VRK1: variants seen among roughly 807,000 people sequenced by gnomAD.
VRK1 encodes VRK serine/threonine kinase 1, also known as serine/threonine-protein kinase VRK1.
A neutral mutation model predicts 57.1 loss-of-function variants in VRK1; 33 were observed. The ratio of observed to expected loss-of-function variants is 0.58; its 90% CI spans 0.44 to 0.77. VRK1 has a LOEUF of 0.77. VRK1 is among the 30% of genes least tolerant of loss of function. The pLI is 0.00. For synonymous variants in VRK1, 137 were observed against 147.8 expected (o/e 0.93, Z 0.53); for missense variants, 413 against 477.3 (o/e 0.87, Z 1.25).
intron 12 of VRK1, 129 bp downstream of exon 12, chr14:96,876,249 A>G: frequency 1.2e-6 from 1 of 814,658 alleles, no homozygotes; most frequent in Non-Finnish European, 2.1e-6. Flanking sequence ...CAAGATTTTT[A>G]TATAGTATGT....
chr14:96,844,552 T>C (rs1490574491), intron 3 of VRK1, among the ~76,000 whole-genome samples: 4 of 152,180 alleles, frequency 2.6e-5, no homozygotes, highest in African/African-American at 9.7e-5. Context: ...TACTTTATTT[T>C]TATTTTTGAG....
intron 11 of VRK1, among the ~76,000 whole-genome samples, chr14:96,867,471 GT>G (rs1888631171): frequency 6.7e-6 from 1 of 148,678 alleles, no homozygotes; most frequent in Non-Finnish European, 1.5e-5. Flanking sequence ...GTGTGTGTGT[GT>G]GTGTGTGTGT....
chr14:96,804,434 G>A (rs1364869526), intron 1 of VRK1, among the ~76,000 whole-genome samples: 1 of 152,208 alleles, frequency 6.6e-6, no homozygotes, highest in Admixed American at 6.5e-5. Flanking sequence ...TCTGGAAAAA[G>A]TGGGAAAACA....
At chr14:96,862,740 A>T (rs1449282627) in intron 11 of VRK1, among the ~76,000 whole-genome samples, 1 of 152,080 alleles carries the variant, frequency 6.6e-6, no homozygotes, top group East Asian at 1.9e-4. Context: ...TATAACCCAG[A>T]TGTCTTTTTT....
intron 3 of VRK1, among the ~76,000 whole-genome samples, chr14:96,841,609 A>G (rs552403984): frequency 6.6e-6 from 1 of 152,172 alleles, no homozygotes; most frequent in South Asian, 2.1e-4. Flanking sequence ...CATAATCCCA[A>G]CACTTCGAGA....
At chr14:96,809,178 C>T (rs1373551742) in intron 1 of VRK1, among the ~76,000 whole-genome samples, 4 of 152,146 alleles carry the variant, frequency 2.6e-5, no homozygotes, top group Non-Finnish European at 5.9e-5. Flanking sequence ...GGCTGAGTGT[C>T]CAGAGGAAGC....
intron 3 of VRK1, among the ~76,000 whole-genome samples, chr14:96,841,995 A>T (rs376820594): frequency 1.3e-3 from 197 of 152,244 alleles, no homozygotes; most frequent in African/African-American, 4.5e-3. Flanking sequence ...TTTATTTTAC[A>T]GTTTCATTCT....
chr14:96,835,932 T>C (rs1887193897), intron 2 of VRK1, among the ~76,000 whole-genome samples: 2 of 152,138 alleles, frequency 1.3e-5, no homozygotes, highest in Admixed American at 1.3e-4. Context: ...ACTGATCAGA[T>C]AATACGATCA....
At chr14:96,874,779 G>A (rs551555868) in intron 11 of VRK1, among the ~76,000 whole-genome samples, 1 of 152,260 alleles carries the variant, frequency 6.6e-6, no homozygotes, top group South Asian at 2.1e-4. Context: ...GAGGTTTTAA[G>A]GTAATGTGCC....
rs1036403800 is a variant in VRK1, at chr14:96,881,471, A to G, written c.*263A>G. The G allele has an allele frequency of 5.7e-6, 2 of 352,492 alleles. No homozygotes were observed. Among genetic ancestry groups the G allele is most frequent in the Non-Finnish European group, 1.0e-5 (2 of 196,372 alleles). 21.8% of individuals were successfully genotyped at this position (352,492 alleles called of 1,614,324 possible). A position where few individuals can be genotyped will look rare whatever the true frequency, so the allele number is the denominator to read the frequency against. ...GTGTTTGTGATGTTTTGGAGTACATATATATGAAAATTATTATGACACGCA... is the reference window on the plus strand; with the variant it reads ...GTGTTTGTGATGTTTTGGAGTACATGTATATGAAAATTATTATGACACGCA... On this transcript the variant is annotated 3_prime_UTR_variant, in exon 13 of 13. Transcript: ENST00000216639.
At chr14:96,862,237 CT>C (rs761746391) in intron 11 of VRK1, among the ~76,000 whole-genome samples, 16 of 152,292 alleles carry the variant, frequency 1.1e-4, no homozygotes, top group Admixed American at 5.2e-4. Flanking sequence ...CCTTATAATT[CT>C]GTGGTGTCCT....
chr14:96,875,993 A>G, intron 11 of VRK1, 37 bp from the exon 12 acceptor site: 2 of 1,594,052 alleles, frequency 1.3e-6, no homozygotes, highest in Non-Finnish European at 1.7e-6. Context: ...CTTGACTGTC[A>G]GATATCTCTC....
chr14:96,863,097 C>T (rs982426065), intron 11 of VRK1, among the ~76,000 whole-genome samples: 1 of 152,088 alleles, frequency 6.6e-6, no homozygotes, highest in Non-Finnish European at 1.5e-5. Context: ...CATGAATTTA[C>T]CCACTTGGAA....
Position 96,835,723 on chromosome 14 carries a change from C to G in VRK1, c.161-2039C>G, listed in dbSNP as rs12050410. ...TCTTGAGCATTCCTTCACTAATATCCTAGTTCCTTTTCTAGTCCTATTGCT... is the reference window on the plus strand; with the variant it reads ...TCTTGAGCATTCCTTCACTAATATCGTAGTTCCTTTTCTAGTCCTATTGCT... On this transcript the variant is annotated intron_variant, in intron 2 of 12. Transcript: ENST00000216639. 2.1e-4 allele frequency among the ~76,000 whole-genome samples: 32 copies of G among 152,292 alleles called. No homozygotes were observed. The South Asian group carries it at 2.3e-3, about 11-fold the overall frequency.
rs2139858467 is a variant in VRK1 at position 96,881,566 on chromosome 14, T to C, written c.*358T>C. ...GACAAAGTCCTCACTTTTAAGGAAA[T>C]GCAAAGCTTAAAATAAAACTCTCTT... On this transcript the variant is annotated 3_prime_UTR_variant, in exon 13 of 13. Transcript: ENST00000216639. 1 of 188,010 alleles carries C rather than the reference T, an allele frequency of 5.3e-6. No individual in the cohort carries two copies. The highest frequency in any genetic ancestry group is 1.3e-4 in the South Asian group (1 of 7,704). 11.6% of individuals were successfully genotyped at this position (188,010 alleles called of 1,614,324 possible).
rs376603491 is a variant in VRK1 at position 96,846,176 on chromosome 14, A to G, written c.286+12A>G. The G allele has an allele frequency of 7.2e-4, 1,162 of 1,612,612 alleles. 4 individuals carry two copies. Among genetic ancestry groups the G allele is most frequent in the Non-Finnish European group, 8.4e-4 (990 of 1,178,850 alleles). On this transcript the variant is annotated intron_variant, in intron 4 of 12. Coordinates refer to ENST00000216639, the MANE Select transcript of VRK1 (RefSeq NM_003384.3). The stretch of plus-strand genomic sequence containing the variant: ...AAAACCAGAGCAAAGTAAGAAATAC[A>G]GTACACATACGTTTACACTTTTAAA...
chr14:96,855,789 C>T (rs1888130701), intron 8 of VRK1, among the ~76,000 whole-genome samples: 1 of 152,146 alleles, frequency 6.6e-6, no homozygotes, highest in South Asian at 2.1e-4. Flanking sequence ...CTCAAATACC[C>T]AGTTCTCTGG....
chr14:96,851,419 G>A (rs951604610), intron 5 of VRK1, among the ~76,000 whole-genome samples: 1 of 152,116 alleles, frequency 6.6e-6, no homozygotes, highest in African/African-American at 2.4e-5. Flanking sequence ...GAGATTACTG[G>A]CGTGAACTAC....
chr14:96,860,065 T>C (rs187060040), intron 10 of VRK1, among the ~76,000 whole-genome samples: 1 of 152,272 alleles, frequency 6.6e-6, no homozygotes, highest in Admixed American at 6.5e-5. Context: ...TTCTCTTTTA[T>C]AGGAAAGCCA....
Sources: allele counts gnomAD v4.1 joint callset (sites outside exome capture counted in the v4.1 genomes callset), GRCh38; gene constraint gnomAD v4.1.1; transcripts MANE v1.5; gene names NCBI Gene and HGNC (gene_info 2026-07-23, HGNC 2026-07-21).